CYP2A7: variants seen among roughly 807,000 people sequenced by gnomAD.
CYP2A7 encodes the protein cytochrome P450 family 2 subfamily A member 7, also known as cytochrome P450 2A7.
CYP2A7 carries 36 observed loss-of-function variants against 42.0 expected under a neutral mutation model. That is an observed-to-expected ratio of 0.86 (90% CI 0.66 to 1.13). CYP2A7 has a LOEUF of 1.13. Among genes scored for constraint, CYP2A7 ranks in the 50% most tolerant of loss-of-function variants. CYP2A7 has a pLI of 0.00. For missense variants in CYP2A7, 661 were observed against 634.1 expected, an observed-to-expected ratio of 1.04 and a Z score of -0.46; for synonymous variants, 260 against 249.5, an observed-to-expected ratio of 1.04 and a Z score of -0.40.
chr19:40,876,817 G>A (rs1414279406), intron 7 of CYP2A7, 149 bp from the exon 8 acceptor site: 3 of 1,089,498 alleles, frequency 2.8e-6, no homozygotes, highest in Non-Finnish European at 3.9e-6. Flanking sequence ...GAGCTTTGGG[G>A]AATAGAAGGT....
chr19:40,876,231 G>C (rs557223949), intron 8 of CYP2A7: 2 of 605,448 alleles, frequency 3.3e-6, no homozygotes, highest in East Asian at 6.1e-5. Flanking sequence ...CTTCTTGCCA[G>C]ATACACTTGC....
intron 4 of CYP2A7, 138 bp from the exon 5 acceptor site, chr19:40,879,074 T>C (rs923739265): frequency 6.9e-5 from 92 of 1,338,570 alleles, no homozygotes; most frequent in Non-Finnish European, 8.0e-5. Flanking sequence ...TTCAGTGGGG[T>C]CGGATAGGAA....
At chr19:40,878,239 T>G (rs1414776769) in intron 5 of CYP2A7, among the ~76,000 whole-genome samples, 2 of 146,990 alleles carry the variant, frequency 1.4e-5, no homozygotes, top group African/African-American at 5.2e-5. Context: ...TAGCTGTCAG[T>G]TTTTTTTTTC....
Position 40,876,530 on chromosome 19 carries a change from T to C in CYP2A7, c.1300A>G (p.Ile434Val), listed in dbSNP as rs999915631. 1.8e-5 allele frequency: 29 copies of C among 1,612,630 alleles called. 2 individuals are homozygous for C. Among genetic ancestry groups the C allele is most frequent in the Non-Finnish European group, 2.1e-5 (25 of 1,179,142 alleles). Reference protein sequence around the residue: ...KKSDAFVPFSIGKRNCFGEGL... With the variant: ...KKSDAFVPFSVGKRNCFGEGL... ...GCAGCAAACAGTGGTCTCTTACCGATGGAAAAGGGCACAAAAGCATCACTC... is the reference window on the plus strand; with the variant it reads ...GCAGCAAACAGTGGTCTCTTACCGACGGAAAAGGGCACAAAAGCATCACTC... The change falls in exon 8 of 9, where the codon ATC (isoleucine) becomes GTC (valine). Residue 434 changes from isoleucine (I) to valine (V), a missense_variant. By Grantham distance (29) the Ile-to-Val change is conservative (BLOSUM62 3). Transcript: ENST00000301146.
At chr19:40,877,785 A>G in intron 6 of CYP2A7, 67 bp downstream of exon 6, 4 of 1,552,194 alleles carry the variant, frequency 2.6e-6, no homozygotes, top group Non-Finnish European at 3.5e-6. Flanking sequence ...AGGTAGGGAC[A>G]TTGCACCAGT....
chr19:40,882,107 G>A lies in CYP2A7; in HGVS notation c.104C>T (p.Pro35Leu), dbSNP rs199895721. The change falls in exon 1 of 9, where the codon CCG becomes CTG. Residue 35 changes from proline to leucine, a missense_variant. Pro to Leu is a moderately conservative substitution (Grantham distance 98). Around this residue, in one of 3 missense-constraint regions of CYP2A7, gnomAD observed 614 missense variants for 552.4 expected, o/e 1.11. Transcript: ENST00000301146. Reference sequence around the variant, plus strand: ...AATGAAGGGCAGTGGGGTGGGTCCCGGAGGCAGCTTCCCCCTGCTCTTCCT... The same window carrying A: ...AATGAAGGGCAGTGGGGTGGGTCCCAGAGGCAGCTTCCCCCTGCTCTTCCT... The part of the protein sequence containing the change: ...QQRKSRGKLP[P>L]GPTPLPFIGN... 7.3e-5 allele frequency: 118 copies of A among 1,613,918 alleles called. No homozygotes were observed. Among genetic ancestry groups the A allele is most frequent in the South Asian group, 4.0e-4 (36 of 91,054 alleles).
intron 2 of CYP2A7, among the ~76,000 whole-genome samples, 168 bp from the exon 3 acceptor site, chr19:40,880,796 A>AGGGGGGGGGGGGG (rs1354151315): frequency 8.7e-5 from 2 of 23,070 alleles, no homozygotes; most frequent in African/African-American, 1.8e-4. Context: ...GAGAAACACG[A>AGGGGGGGGGGGGG]GGGAGAGAGA....
chr19:40,876,605 G>C lies in CYP2A7; in HGVS notation c.1225C>G (p.Gln409Glu), dbSNP rs752821943. Residue 409 changes from glutamine to glutamate, a missense_variant, in exon 8 of 9, where the codon CAG (glutamine) becomes GAG (glutamate). Coordinates refer to ENST00000301146, the MANE Select transcript of CYP2A7 (RefSeq NM_000764.3). ...LRDPSFFSNP[Q>E]DFNPQHFLDD... ...AGGAAATGCTGGGGATTGAAGTCCT[G>C]AGGGTTGGAGAAGAAGCTGGGGTCT... 32 of 1,613,002 alleles carry C rather than the reference G, an allele frequency of 2.0e-5. No homozygotes were observed. Among genetic ancestry groups the C allele is most frequent in the Non-Finnish European group, 2.5e-5 (30 of 1,179,310 alleles).
chr19:40,879,454 A>C (rs1048923953), intron 4 of CYP2A7, among the ~76,000 whole-genome samples: 2 of 151,638 alleles, frequency 1.3e-5, no homozygotes, highest in Admixed American at 1.3e-4. Flanking sequence ...TGAGGTGTTT[A>C]CCTATCCAAG....
chr19:40,879,950 T>C, intron 4 of CYP2A7, 134 bp downstream of exon 4: 1 of 1,433,838 alleles, frequency 7.0e-7, no homozygotes, highest in Admixed American at 2.0e-5. Flanking sequence ...ACTGTCCAGT[T>C]GTCCAATATC....
chr19:40,878,318 C>G (rs1284626372), intron 5 of CYP2A7, among the ~76,000 whole-genome samples: 6 of 151,784 alleles, frequency 4.0e-5, no homozygotes, highest in Non-Finnish European at 7.4e-5. Context: ...CAATCCTCCA[C>G]CCTTAGCCTC....
intron 6 of CYP2A7, 115 bp downstream of exon 6, chr19:40,877,737 G>A: frequency 6.9e-7 from 1 of 1,440,598 alleles, no homozygotes; most frequent in Non-Finnish European, 9.4e-7. Flanking sequence ...CCTGTCTCTG[G>A]ACAGCAAGGC....
chr19:40,878,925 C>T lies in CYP2A7; in HGVS notation c.666G>A (p.Met222Ile). The T allele has an allele frequency of 4.4e-6, 7 of 1,608,766 alleles. No individual in the cohort carries two copies. Among genetic ancestry groups the T allele is most frequent in the Non-Finnish European group, 6.0e-6 (7 of 1,176,396 alleles). The stretch of plus-strand genomic sequence containing the variant: ...GCAGGTGTTTCATCACCGAAGAGAA[C>T]ATCTCATAGAGCTGGGGTTGCAGAG... ...TSTSTGQLYE[M>I]FSSVMKHLPG... Residue 222 changes from methionine (M) to isoleucine (I), a missense_variant, in exon 5 of 9, where the codon ATG becomes ATA. Transcript: ENST00000301146.
chr19:40,876,200 G>A (rs867927675), intron 8 of CYP2A7: 4 of 579,234 alleles, frequency 6.9e-6, no homozygotes, highest in African/African-American at 5.6e-5. Context: ...GCCAGGTGTA[G>A]CAATGGGAGG....
At chr19:40,881,839 C>A in intron 1 of CYP2A7, 88 bp from the exon 2 acceptor site, 3 of 1,560,932 alleles carry the variant, frequency 1.9e-6, no homozygotes, top group Non-Finnish European at 2.6e-6. Context: ...TGGGATCCTT[C>A]ACCCCCAGGT....
At chr19:40,876,027 C>T (rs1967522154) in intron 8 of CYP2A7, among the ~76,000 whole-genome samples, 153 bp from the exon 9 acceptor site, 1 of 151,724 alleles carries the variant, frequency 6.6e-6, no homozygotes, top group East Asian at 1.9e-4. Flanking sequence ...CTCCCTGAGC[C>T]TCAGTTTCTT....
At position 40,882,070 on chromosome 19, in the gene CYP2A7, G is replaced by C. The variant is rs150838585; in HGVS notation, c.141C>G (p.Leu47=). 213 of 1,613,944 alleles carry C rather than the reference G, an allele frequency of 1.3e-4. No homozygotes were observed. The highest frequency in any genetic ancestry group is 2.3e-4 in the Admixed American group (14 of 60,008). ...PTPLPFIGNY[L]QLNTEHICDS... ...CACATATGTGCTCTGTGTTCAGCTG[G>C]AGGTAGTTTCCAATGAAGGGCAGTG... is the stretch of plus-strand genomic sequence containing the variant. Residue 47 remains leucine, a synonymous_variant, in exon 1 of 9, where the codon CTC becomes CTG. Coordinates refer to ENST00000301146, the MANE Select transcript of CYP2A7 (RefSeq NM_000764.3).
Position 40,880,427 on chromosome 19 carries a change from C to G in CYP2A7, c.493+52G>C. On this transcript the variant is annotated intron_variant, in intron 3 of 8. Transcript: ENST00000301146. Reference sequence around the variant, plus strand: ...GCAGGCAGAACGCGCGCGGGTTCCTCGTCCTGGGTGTTTTCCTTCTCCTGC... The same window carrying G: ...GCAGGCAGAACGCGCGCGGGTTCCTGGTCCTGGGTGTTTTCCTTCTCCTGC... 8 of 1,592,168 alleles carry G rather than the reference C, an allele frequency of 5.0e-6. No homozygotes were observed. In the South Asian group the frequency reaches 7.9e-5, roughly 16 times the overall value.
intron 1 of CYP2A7, 43 bp from the exon 2 acceptor site, chr19:40,881,794 C>T (rs1568528672): frequency 2.5e-6 from 4 of 1,600,266 alleles, no homozygotes; most frequent in Non-Finnish European, 2.6e-6. Flanking sequence ...GCAGCCCCCA[C>T]TCTGAATGGG....
Sources: gnomAD v4.1 joint callset for allele counts (sites outside exome capture counted in the v4.1 genomes callset) on GRCh38, gnomAD v4.1.1 for gene constraint, gnomAD v4.1.1 regional missense constraint, MANE v1.5 for transcripts, NCBI Gene and HGNC (gene_info 2026-07-23, HGNC 2026-07-21) for gene names.